The following SKI variants were observed in gnomAD, a reference collection of about 807,000 sequenced individuals.
SKI encodes the protein ski oncogene.
Under a neutral mutation model 59.3 loss-of-function variants are expected in SKI, and 23 were observed. The ratio of observed to expected loss-of-function variants is 0.39; its 90% CI spans 0.28 to 0.55. The LOEUF is 0.55. Ranked by LOEUF, SKI falls within the 20% of genes least tolerant of loss-of-function variation. The probability of loss-of-function intolerance (pLI) is 0.67; values close to 1 mark genes in which losing one functional copy is unlikely to be tolerated. For missense variants in SKI, 1,017 were observed against 1,038.9 expected, an observed-to-expected ratio of 0.98 and a Z score of 0.29; for synonymous variants, 673 against 488.6, an observed-to-expected ratio of 1.38 and a Z score of -4.98.
At chr1:2,299,930 G>C (rs1640382552) in intron 1 of SKI, among the ~76,000 whole-genome samples, 1 of 152,160 alleles carries the variant, frequency 6.6e-6, no homozygotes, top group Non-Finnish European at 1.5e-5. Flanking sequence ...AGTGTACTGT[G>C]GCTGCCCAGT....
chr1:2,290,536 C>CA (rs1553198843), intron 1 of SKI, among the ~76,000 whole-genome samples: 1 of 151,970 alleles, frequency 6.6e-6, no homozygotes, highest in Non-Finnish European at 1.5e-5. Flanking sequence ...CAACAGTTGG[C>CA]GGGTGGGCTG....
chr1:2,280,097 GGT>G (rs1553197039), intron 1 of SKI, among the ~76,000 whole-genome samples: 5 of 152,116 alleles, frequency 3.3e-5, no homozygotes, highest in Non-Finnish European at 7.4e-5. Flanking sequence ...GGCTGGGTGT[GGT>G]GGCTCATGCC....
At chr1:2,286,470 G>C (rs1015978381) in intron 1 of SKI, among the ~76,000 whole-genome samples, 3 of 152,172 alleles carry the variant, frequency 2.0e-5, no homozygotes, top group Non-Finnish European at 1.5e-5. Context: ...CACTCAGCCT[G>C]GGTGACAGAG....
chr1:2,234,080 C>G (rs1638700480), intron 1 of SKI, among the ~76,000 whole-genome samples: 1 of 152,194 alleles, frequency 6.6e-6, no homozygotes, highest in African/African-American at 2.4e-5. Context: ...AGGCCCTGGT[C>G]CCCGTGCAGA....
chr1:2,234,085 T>A (rs1478238822), intron 1 of SKI, among the ~76,000 whole-genome samples: 1 of 152,192 alleles, frequency 6.6e-6, no homozygotes, highest in South Asian at 2.1e-4. Flanking sequence ...CTGGTCCCCG[T>A]GCAGAAGGCC....
At chr1:2,301,264 C>T (rs1356951256) in intron 1 of SKI, among the ~76,000 whole-genome samples, 1 of 152,180 alleles carries the variant, frequency 6.6e-6, no homozygotes, top group African/African-American at 2.4e-5. Context: ...CGCCAGACGT[C>T]ATCAACACTC....
At chr1:2,279,524 G>C (rs1222957793) in intron 1 of SKI, among the ~76,000 whole-genome samples, 1 of 152,194 alleles carries the variant, frequency 6.6e-6, no homozygotes, top group East Asian at 1.9e-4. Flanking sequence ...GAATTAGGGG[G>C]AGGGGGACAC....
rs551261902 is a variant in SKI, at chr1:2,293,248, C to T, written c.970-9730C>T. Among the ~76,000 whole-genome samples the T allele has an allele frequency of 1.3e-3, 203 of 152,298 alleles. 1 individual carries two copies. Among genetic ancestry groups the T allele is most frequent in the African/African-American group, 4.3e-3 (180 of 41,572 alleles). ...CTGTTGCTTTGGTTGGCGATCGGGA[C>T]TCACCATGTTAGACCTGAGGTTCGT... On this transcript the variant is annotated intron_variant, in intron 1 of 6. Transcript: ENST00000378536.
intron 1 of SKI, among the ~76,000 whole-genome samples, chr1:2,283,347 TC>T (rs757001243): frequency 7.8e-4 from 113 of 145,666 alleles, no homozygotes; most frequent in Middle Eastern, 3.7e-3. Flanking sequence ...ACTCAGAGCC[TC>T]AGGGGGGGGA....
rs993136468 is a variant in SKI, at chr1:2,280,233, G to A, written c.970-22745G>A. Among the ~76,000 whole-genome samples the A allele has an allele frequency of 3.9e-5, 6 of 152,070 alleles. No homozygotes were observed. In the South Asian group the frequency reaches 8.3e-4, roughly 21 times the overall value. On this transcript the variant is annotated intron_variant, in intron 1 of 6. Coordinates refer to ENST00000378536, the MANE Select transcript of SKI (RefSeq NM_003036.4). ...AAAAAAAAAAATACAAAAATTAGCC[G>A]GCATTGTGGCAGGTGCCTGTAGTCC...
At position 2,228,989 on chromosome 1, in the gene SKI, C is replaced by A; in HGVS notation, c.223C>A (p.His75Asn). Residue 75 changes from histidine to asparagine, a missense_variant, in exon 1 of 7, where the codon CAC becomes AAC. His to Asn is a moderately conservative substitution (Grantham distance 68). Transcript: ENST00000378536. ...AGCCACCGAGCCGCCGCCCGTGCTG[C>A]ACCTGCCCGCCATCCAGCCGCCGCC... Reference protein sequence around the residue: ...PAATEPPPVLHLPAIQPPPPV... With the variant: ...PAATEPPPVLNLPAIQPPPPV... The A allele has an allele frequency of 6.5e-7, 1 of 1,546,320 alleles. No homozygotes were observed. Among genetic ancestry groups the A allele is most frequent in the Non-Finnish European group, 8.7e-7 (1 of 1,152,800 alleles).
In SKI at chr1:2,307,705, T is replaced by TGTTC. The variant is rs1557856335; in HGVS notation, c.*945_*948dup. Reference sequence around the variant, plus strand: ...ATTTCAATTTTTCTTTCTTTTTTTTTGTTCGTTCATTTAAACGTATATTTA... The same window carrying TGTTC: ...ATTTCAATTTTTCTTTCTTTTTTTTTGTTCGTTCGTTCATTTAAACGTATATTTA... On this transcript the variant is annotated 3_prime_UTR_variant, in exon 7 of 7. Transcript: ENST00000378536. The TGTTC allele has an allele frequency of 3.3e-5, 5 of 152,568 alleles. No individual in the cohort carries two copies. In the South Asian group the frequency reaches 1.0e-3, roughly 32 times the overall value. The allele number at this position is 152,568 out of a possible 1,614,324, so 9.5% of individuals were successfully genotyped here.
intron 1 of SKI, among the ~76,000 whole-genome samples, chr1:2,277,635 A>G (rs923918288): frequency 6.6e-6 from 1 of 152,008 alleles, no homozygotes; most frequent in Non-Finnish European, 1.5e-5. Flanking sequence ...AATGGAGTGC[A>G]CACACACGTC....
intron 1 of SKI, among the ~76,000 whole-genome samples, chr1:2,238,401 A>G (rs11804290): frequency 6.6e-6 from 1 of 152,160 alleles, no homozygotes. Context: ...GTGGACCTAC[A>G]CGGTACCCAG....
rs777887288 is a variant in SKI, at chr1:2,303,836, C to T, written c.1212-4C>T. On this transcript the variant is annotated splice_region_variant and splice_polypyrimidine_tract_variant and intron_variant, in intron 3 of 6. Coordinates refer to ENST00000378536, the MANE Select transcript of SKI (RefSeq NM_003036.4). This position sits in a 1 kb window ranked among gnomAD's most constrained non-coding sequence, Gnocchi z 5.6. ...ACCTTCCCGACACCCGCCTGCCCCT[C>T]CAGCTTCTACTCCTACAAGAGCTTT... The T allele has an allele frequency of 2.5e-6, 4 of 1,612,418 alleles. No individual in the cohort carries two copies. In the Admixed American group the frequency reaches 6.7e-5, roughly 27 times the overall value.
chr1:2,299,144 A>G (rs1640360868), intron 1 of SKI, among the ~76,000 whole-genome samples: 1 of 152,264 alleles, frequency 6.6e-6, no homozygotes, highest in African/African-American at 2.4e-5. Context: ...CCGAGTGGCC[A>G]GCAGGGCGGG....
rs564145406 is a variant in SKI, at chr1:2,256,468, A to G, written c.969+26733A>G. Among the ~76,000 whole-genome samples the G allele has an allele frequency of 5.3e-5, 8 of 152,336 alleles. No individual in the cohort carries two copies. The East Asian group carries it at 1.5e-3, about 29-fold the overall frequency. ...TCTCTGCCCCCTCCCTCTGTGGTCCAGAGGCCGATGGCCAGCTGGCCCTCA... is the reference window on the plus strand; with the variant it reads ...TCTCTGCCCCCTCCCTCTGTGGTCCGGAGGCCGATGGCCAGCTGGCCCTCA... On this transcript the variant is annotated intron_variant, in intron 1 of 6. Transcript: ENST00000378536.
intron 1 of SKI, among the ~76,000 whole-genome samples, chr1:2,260,256 C>T (rs893043872): frequency 5.9e-5 from 9 of 152,214 alleles, no homozygotes; most frequent in African/African-American, 1.9e-4. Flanking sequence ...CTTCCCCAAT[C>T]GTTGAGAACG....
intron 1 of SKI, among the ~76,000 whole-genome samples, chr1:2,232,982 G>A (rs1187289096): frequency 6.6e-6 from 1 of 152,134 alleles, no homozygotes; most frequent in African/African-American, 2.4e-5. Flanking sequence ...GATAGCTGTA[G>A]GACTCCATTG....
Sources: allele counts gnomAD v4.1 joint callset (sites outside exome capture counted in the v4.1 genomes callset), GRCh38; gene constraint gnomAD v4.1.1; non-coding constraint Gnocchi (gnomAD v3.1); transcripts MANE v1.5; gene names NCBI Gene and HGNC (gene_info 2026-07-23, HGNC 2026-07-21).